Variants in FRMD4A observed in about 807,000 individuals in gnomAD.
FRMD4A encodes the protein FERM domain-containing protein 4A.
In FRMD4A, 29 loss-of-function variants were observed where a neutral mutation model predicts 129.1. The ratio of observed to expected loss-of-function variants is 0.22; its 90% CI spans 0.17 to 0.31. The LOEUF is 0.31. FRMD4A is among the 10% of genes least tolerant of loss of function. FRMD4A has a pLI of 1.00. For missense variants in FRMD4A, 1,272 were observed against 1,375.8 expected, an observed-to-expected ratio of 0.92 and a Z score of 1.19; for synonymous variants, 634 against 571.6, an observed-to-expected ratio of 1.11 and a Z score of -1.56.
chr10:13,667,387 A>G (rs1349592973), intron 17 of FRMD4A: 1 of 50,588 alleles, frequency 2.0e-5, no homozygotes, highest in Non-Finnish European at 3.5e-5. Flanking sequence ...CCCTCTTTTT[A>G]CTGTAGCTCC....
At chr10:14,033,475 T>C (rs1833349404) in intron 2 of FRMD4A, among the ~76,000 whole-genome samples, 1 of 151,876 alleles carries the variant, frequency 6.6e-6, no homozygotes, top group African/African-American at 2.4e-5. Context: ...TGTCCACCAA[T>C]GGCTGATTGG....
At chr10:14,081,664 T>C (rs547891263) in intron 2 of FRMD4A, among the ~76,000 whole-genome samples, 11 of 152,322 alleles carry the variant, frequency 7.2e-5, no homozygotes, top group African/African-American at 2.4e-4. Context: ...ACAAAATGTC[T>C]TTTATCATGC....
At chr10:14,321,421 T>C (rs999337372) in intron 2 of FRMD4A, among the ~76,000 whole-genome samples, 21 of 151,904 alleles carry the variant, frequency 1.4e-4, no homozygotes, top group African/African-American at 4.8e-4. Flanking sequence ...CTCCAAAGAA[T>C]AGAAAGTGTA....
chr10:14,238,166 G>A (rs1843897625), intron 2 of FRMD4A, among the ~76,000 whole-genome samples: 1 of 152,188 alleles, frequency 6.6e-6, no homozygotes, highest in Non-Finnish European at 1.5e-5. Flanking sequence ...GCTACAATGG[G>A]CCAGGCACTG....
intron 2 of FRMD4A, among the ~76,000 whole-genome samples, chr10:14,121,393 C>A (rs551229238): frequency 1.3e-5 from 2 of 152,150 alleles, no homozygotes; most frequent in East Asian, 3.9e-4. Context: ...ACAAAAAAAC[C>A]AAAACAAACA....
chr10:14,306,559 A>G (rs2132098227), intron 2 of FRMD4A, among the ~76,000 whole-genome samples: 1 of 152,344 alleles, frequency 6.6e-6, no homozygotes, highest in South Asian at 2.1e-4. Context: ...CAATATATGA[A>G]AAACACAGGC....
chr10:13,761,696 C>G, intron 7 of FRMD4A, 27 bp from the exon 8 acceptor site: 1 of 1,542,816 alleles, frequency 6.5e-7, no homozygotes. Flanking sequence ...TCAACATCAG[C>G]GAAATACACT....
chr10:14,204,336 G>A (rs940401643), intron 2 of FRMD4A, among the ~76,000 whole-genome samples: 6 of 152,102 alleles, frequency 3.9e-5, no homozygotes, highest in Non-Finnish European at 4.4e-5. Context: ...AGCTGAGGTA[G>A]GAGAATCACT....
At chr10:14,189,087 G>T (rs1469726314) in intron 2 of FRMD4A, among the ~76,000 whole-genome samples, 5 of 152,174 alleles carry the variant, frequency 3.3e-5, no homozygotes, top group Non-Finnish European at 4.4e-5. Flanking sequence ...TCTCATGGCT[G>T]TGTATTTCCA....
chr10:14,012,309 CT>C (rs753022704), intron 2 of FRMD4A, among the ~76,000 whole-genome samples: 116 of 152,206 alleles, frequency 7.6e-4, no homozygotes, highest in Non-Finnish European at 1.5e-3. Flanking sequence ...CTGGCAAAGC[CT>C]TTTGTTTGTT....
intron 22 of FRMD4A, 106 bp from the exon 23 acceptor site, chr10:13,654,618 C>T: frequency 1.4e-6 from 1 of 697,156 alleles, no homozygotes; most frequent in South Asian, 1.7e-5. Context: ...CAGAGGTCAC[C>T]ATTTCCAGGG....
At chr10:14,102,853 T>A (rs1465124788) in intron 2 of FRMD4A, among the ~76,000 whole-genome samples, 1 of 151,844 alleles carries the variant, frequency 6.6e-6, no homozygotes, top group Non-Finnish European at 1.5e-5. Flanking sequence ...CTTAAAGAGA[T>A]CTGACAGCTC....
At chr10:13,708,722 C>T (rs995548032) in intron 12 of FRMD4A, among the ~76,000 whole-genome samples, 1 of 152,242 alleles carries the variant, frequency 6.6e-6, no homozygotes, top group African/African-American at 2.4e-5. Context: ...AGACCCAGGT[C>T]TCATGGTCCT....
At chr10:14,112,178 T>G (rs549606898) in intron 2 of FRMD4A, among the ~76,000 whole-genome samples, 1 of 152,152 alleles carries the variant, frequency 6.6e-6, no homozygotes, top group East Asian at 1.9e-4. Context: ...AAGATGTTGG[T>G]AAGGGGGCCA....
chr10:13,704,534 C>T (rs1647338796), intron 13 of FRMD4A, among the ~76,000 whole-genome samples: 1 of 152,190 alleles, frequency 6.6e-6, no homozygotes, highest in African/African-American at 2.4e-5. Flanking sequence ...AGTTACCCCT[C>T]CAGGTCCAAC....
chr10:14,229,865 A>G (rs1395727048), intron 2 of FRMD4A, among the ~76,000 whole-genome samples: 1 of 152,206 alleles, frequency 6.6e-6, no homozygotes, highest in Non-Finnish European at 1.5e-5. Flanking sequence ...CACTCATACA[A>G]TCTAGCTATC....
At chr10:14,238,799 C>T (rs904156988) in intron 2 of FRMD4A, among the ~76,000 whole-genome samples, 3 of 152,072 alleles carry the variant, frequency 2.0e-5, no homozygotes, top group Non-Finnish European at 4.4e-5. Context: ...TTTTCTGTTC[C>T]TGTGTTAGTT....
chr10:13,985,457 C>T (rs1022083259), intron 2 of FRMD4A, among the ~76,000 whole-genome samples: 1 of 152,192 alleles, frequency 6.6e-6, no homozygotes, highest in Admixed American at 6.5e-5. Context: ...ATTTAAATCT[C>T]CTTGAATGTA....
intron 2 of FRMD4A, among the ~76,000 whole-genome samples, chr10:13,944,572 C>T (rs2095317932): frequency 6.6e-6 from 1 of 152,166 alleles, no homozygotes; most frequent in South Asian, 2.1e-4. Flanking sequence ...TTCCATGAAT[C>T]AGGTCCCCGG....
Sources: gnomAD v4.1 joint callset for allele counts (sites outside exome capture counted in the v4.1 genomes callset) on GRCh38, gnomAD v4.1.1 for gene constraint, MANE v1.5 for transcripts, NCBI Gene and HGNC (gene_info 2026-07-23, HGNC 2026-07-21) for gene names.